COL11A1: variants seen among roughly 807,000 people sequenced by gnomAD.
COL11A1 encodes the protein collagen type XI alpha 1 chain, also known as collagen alpha-1(XI) chain.
COL11A1 carries 74 observed loss-of-function variants against 265.2 expected under a neutral mutation model. The observed-to-expected ratio is 0.28, with a 90% CI of 0.23 to 0.34. The LOEUF (loss-of-function observed/expected upper bound fraction) is 0.34, where lower values mean the gene tolerates loss of function less well. Among genes scored for constraint, COL11A1 ranks in the 10% least tolerant of loss-of-function variants. COL11A1 has a pLI of 1.00. For missense variants in COL11A1, 2,165 were observed against 2,263.6 expected (o/e 0.96, Z 0.88); for synonymous variants, 816 against 727.6 (o/e 1.12, Z -1.96).
Position 102,954,161 on chromosome 1 carries a change from C to A in COL11A1, c.3169-7205G>T, listed in dbSNP as rs541247464. On this transcript the variant is annotated intron_variant, in intron 41 of 66. Transcript: ENST00000370096. The stretch of plus-strand genomic sequence containing the variant: ...AATTTACCTTTCTCTACTTAGTTAC[C>A]TTTCTTTACTTGTGTATTAGCTTTA... 6.3e-4 allele frequency among the ~76,000 whole-genome samples: 96 copies of A among 152,062 alleles called. 1 individual carries two copies. Among genetic ancestry groups the A allele is most frequent in the Non-Finnish European group, 1.8e-4 (12 of 67,994 alleles).
chr1:102,889,255 G>T (rs1275648571), intron 59 of COL11A1, among the ~76,000 whole-genome samples, 200 bp downstream of exon 59: 1 of 151,854 alleles, frequency 6.6e-6, no homozygotes, highest in Non-Finnish European at 1.5e-5. Context: ...TAATTTTTAT[G>T]GTTTCTAACT....
chr1:103,052,199 C>CT (rs1558001619), intron 4 of COL11A1, among the ~76,000 whole-genome samples: 2 of 151,796 alleles, frequency 1.3e-5, no homozygotes, highest in African/African-American at 2.4e-5. Flanking sequence ...TTCATGTTTT[C>CT]TTTTTTTTAA....
intron 4 of COL11A1, among the ~76,000 whole-genome samples, chr1:103,041,411 G>GA (rs1668800206): frequency 6.6e-6 from 1 of 151,424 alleles, no homozygotes. Context: ...GTCCCTCAGA[G>GA]AAAATACCTG....
chr1:102,977,449 T>C (rs1365625665), intron 35 of COL11A1, among the ~76,000 whole-genome samples: 2 of 152,160 alleles, frequency 1.3e-5, no homozygotes, highest in Non-Finnish European at 2.9e-5. Flanking sequence ...GTAATCATAC[T>C]GTTGGATGAC....
At chr1:102,951,381 CA>C (rs1341436275) in intron 41 of COL11A1, among the ~76,000 whole-genome samples, 2 of 152,154 alleles carry the variant, frequency 1.3e-5, no homozygotes. Context: ...ATTATGTATG[CA>C]AACATGTTGA....
intron 57 of COL11A1, among the ~76,000 whole-genome samples, chr1:102,896,662 A>C (rs2100907996): frequency 6.6e-6 from 1 of 152,292 alleles, no homozygotes; most frequent in African/African-American, 2.4e-5. Flanking sequence ...TTGCGCTGTA[A>C]ACTCACATTT....
At chr1:102,979,031 T>G (rs1557897051) in intron 33 of COL11A1, 29 bp downstream of exon 33, 1 of 1,613,434 alleles carries the variant, frequency 6.2e-7, no homozygotes, top group Non-Finnish European at 8.5e-7. Context: ...ATATGAAAAA[T>G]GTACATCATT....
intron 3 of COL11A1, among the ~76,000 whole-genome samples, chr1:103,078,150 T>C (rs1291517136): frequency 6.6e-6 from 1 of 152,086 alleles, no homozygotes; most frequent in Non-Finnish European, 1.5e-5. Context: ...CAATGTGTTA[T>C]ACCATCTGGC....
At chr1:103,016,889 T>C (rs1159897826) in intron 11 of COL11A1, among the ~76,000 whole-genome samples, 1 of 152,052 alleles carries the variant, frequency 6.6e-6, no homozygotes, top group Non-Finnish European at 1.5e-5. Flanking sequence ...CCTACATTTT[T>C]AGATCATTTA....
At chr1:102,908,123 G>C (rs114053089) in intron 54 of COL11A1, among the ~76,000 whole-genome samples, 3 of 151,984 alleles carry the variant, frequency 2.0e-5, no homozygotes, top group Admixed American at 6.6e-5. Flanking sequence ...TAGTATCTCA[G>C]TGTAATTTCT....
intron 11 of COL11A1, among the ~76,000 whole-genome samples, chr1:103,016,763 C>G (rs1199163859): frequency 6.6e-6 from 1 of 151,848 alleles, no homozygotes; most frequent in African/African-American, 2.4e-5. Flanking sequence ...AGATTCTGTA[C>G]AAGTTTCAAG....
intron 4 of COL11A1, among the ~76,000 whole-genome samples, chr1:103,038,421 C>T (rs1668543740): frequency 6.6e-6 from 1 of 151,924 alleles, no homozygotes; most frequent in Non-Finnish European, 1.5e-5. Flanking sequence ...GCCAAGATCG[C>T]GCCACTGCCA....
chr1:102,899,055 C>T (rs1197972192), intron 54 of COL11A1, 61 bp from the exon 55 acceptor site: 3 of 957,960 alleles, frequency 3.1e-6, no homozygotes, highest in African/African-American at 1.7e-5. Context: ...TTAATGAGCA[C>T]TTGTTTACAA....
intron 28 of COL11A1, among the ~76,000 whole-genome samples, chr1:102,993,641 A>C (rs1349642481): frequency 6.6e-6 from 1 of 152,004 alleles, no homozygotes; most frequent in East Asian, 1.9e-4. Flanking sequence ...GAGCTCAAGC[A>C]ACTCTCCCTC....
chr1:103,067,748 A>C (rs1671264832), intron 4 of COL11A1, among the ~76,000 whole-genome samples: 1 of 151,664 alleles, frequency 6.6e-6, no homozygotes, highest in Non-Finnish European at 1.5e-5. Flanking sequence ...TATTAATATA[A>C]AGAATAAAAA....
chr1:103,021,971 C>G (rs571853840), intron 8 of COL11A1, among the ~76,000 whole-genome samples: 1 of 151,120 alleles, frequency 6.6e-6, no homozygotes. Flanking sequence ...CTCAGCCTCC[C>G]GAGTAGCTGA....
At chr1:102,957,930 A>G (rs1660528234) in intron 41 of COL11A1, among the ~76,000 whole-genome samples, 2 of 152,038 alleles carry the variant, frequency 1.3e-5, no homozygotes, top group African/African-American at 4.8e-5. Flanking sequence ...AAGAATAAAC[A>G]CTCAATATTA....
chr1:102,913,572 A>G (rs1654954140), intron 53 of COL11A1, 65 bp downstream of exon 53: 2 of 1,417,252 alleles, frequency 1.4e-6, no homozygotes, highest in African/African-American at 1.4e-5. Context: ...ATTACTTCTA[A>G]TTATCTCATT....
At chr1:103,025,369 G>A in intron 7 of COL11A1, 152 bp downstream of exon 7, 1 of 675,136 alleles carries the variant, frequency 1.5e-6, no homozygotes, top group Non-Finnish European at 2.6e-6. Flanking sequence ...TTTAGTAATA[G>A]TGAACCATTG....
Sources: gnomAD v4.1 joint callset for allele counts (sites outside exome capture counted in the v4.1 genomes callset) on GRCh38, gnomAD v4.1.1 for gene constraint, MANE v1.5 for transcripts, NCBI Gene and HGNC (gene_info 2026-07-23, HGNC 2026-07-21) for gene names.